The following C9 variants were observed in gnomAD, a reference collection of about 807,000 sequenced individuals.
The protein encoded by C9 is complement component C9.
A neutral mutation model predicts 65.4 loss-of-function variants in C9; 63 were observed. That is an observed-to-expected ratio of 0.96 (90% CI 0.79 to 1.19). The LOEUF is 1.19. C9 is among the 50% of genes most tolerant of loss of function. C9 has a pLI of 0.00. For synonymous variants in C9, 229 were observed against 227.9 expected (o/e 1.00, Z -0.04); for missense variants, 744 against 670.1 (o/e 1.11, Z -1.22).
intron 1 of C9, among the ~76,000 whole-genome samples, chr5:39,362,862 G>A (rs1437774417): frequency 6.6e-6 from 1 of 152,184 alleles, no homozygotes; most frequent in Non-Finnish European, 1.5e-5. Flanking sequence ...GGGCAACCGG[G>A]GCAAACTCAA....
intron 9 of C9, among the ~76,000 whole-genome samples, chr5:39,292,539 A>G (rs755216195): frequency 6.6e-6 from 1 of 151,946 alleles, no homozygotes; most frequent in Non-Finnish European, 1.5e-5. Context: ...TTGGACCTAC[A>G]TAAAGTAATC....
chr5:39,301,595 A>G (rs959440266), intron 9 of C9, among the ~76,000 whole-genome samples: 2 of 152,106 alleles, frequency 1.3e-5, no homozygotes, highest in African/African-American at 4.8e-5. Flanking sequence ...CTATTCTGCA[A>G]TATTACTTCT....
chr5:39,304,327 G>T (rs930417564), intron 9 of C9, among the ~76,000 whole-genome samples: 2 of 152,140 alleles, frequency 1.3e-5, no homozygotes, highest in African/African-American at 2.4e-5. Flanking sequence ...AGTTTAGGGT[G>T]GGTGGGGAGA....
At chr5:39,296,408 A>G (rs1287686567) in intron 9 of C9, among the ~76,000 whole-genome samples, 1 of 151,642 alleles carries the variant, frequency 6.6e-6, no homozygotes, top group African/African-American at 2.4e-5. Flanking sequence ...GCCAAAAAGT[A>G]TATTTAAAAA....
chr5:39,333,133 A>G (rs1322680873), intron 4 of C9, among the ~76,000 whole-genome samples: 1 of 152,130 alleles, frequency 6.6e-6, no homozygotes, highest in Non-Finnish European at 1.5e-5. Flanking sequence ...GAGAAAAAAT[A>G]AAAAAACATT....
At chr5:39,318,194 A>T (rs72736593) in intron 5 of C9, among the ~76,000 whole-genome samples, 2 of 152,010 alleles carry the variant, frequency 1.3e-5, no homozygotes, top group African/African-American at 4.8e-5. Context: ...TTTGCCCATT[A>T]ATTTTGCATC....
At position 39,299,457 on chromosome 5, in the gene C9, CTG is replaced by C. The variant is rs140455473; in HGVS notation, c.1416+7158_1416+7159del. 2.0e-3 allele frequency among the ~76,000 whole-genome samples: 310 copies of C among 152,180 alleles called. 5 individuals are homozygous for C. Among genetic ancestry groups the C allele is most frequent in the Admixed American group, 0.013 (191 of 15,260 alleles). The stretch of plus-strand genomic sequence containing the variant: ...TTCAACAGATGACTAGATAAACAAA[CTG>C]TTTAATCTATATCATGGAACTACAT... On this transcript the variant is annotated intron_variant, in intron 9 of 10. Coordinates refer to ENST00000263408, the MANE Select transcript of C9 (RefSeq NM_001737.5).
intron 6 of C9, among the ~76,000 whole-genome samples, chr5:39,314,055 A>C (rs1041544033): frequency 6.6e-6 from 1 of 152,138 alleles, no homozygotes. Context: ...AATTTTTAGC[A>C]AGACTCCTTG....
chr5:39,308,006 C>T (rs1004238237), intron 8 of C9, among the ~76,000 whole-genome samples: 1 of 152,188 alleles, frequency 6.6e-6, no homozygotes, highest in South Asian at 2.1e-4. Flanking sequence ...GTGTGAATCA[C>T]ACCCCCTTGA....
At chr5:39,289,511 C>T (rs1753051530) in intron 9 of C9, among the ~76,000 whole-genome samples, 1 of 151,484 alleles carries the variant, frequency 6.6e-6, no homozygotes, top group Non-Finnish European at 1.5e-5. Flanking sequence ...TAGAAGAATG[C>T]CACCAAGGAA....
At chr5:39,311,483 TG>T in intron 6 of C9, 106 bp from the exon 7 acceptor site, 1 of 1,059,618 alleles carries the variant, frequency 9.4e-7, no homozygotes, top group Non-Finnish European at 1.4e-6. Flanking sequence ...GTTTTAGCAG[TG>T]ACCATGAGAT....
rs181639759 is a variant in C9, at chr5:39,347,130, C to T, written c.78-4934G>A. ...CTGGCAAAAGACAGGGATGCCCTCTCTCACCACCCCTATTCAACATAGTGT... is the reference window on the plus strand; with the variant it reads ...CTGGCAAAAGACAGGGATGCCCTCTTTCACCACCCCTATTCAACATAGTGT... On this transcript the variant is annotated intron_variant, in intron 1 of 10. Transcript: ENST00000263408. Among the ~76,000 whole-genome samples the T allele has an allele frequency of 2.6e-5, 4 of 152,292 alleles. No individual in the cohort carries two copies. In the East Asian group the frequency reaches 7.7e-4, roughly 29 times the overall value.
At chr5:39,335,754 C>T in intron 4 of C9, among the ~76,000 whole-genome samples, 1 of 152,036 alleles carries the variant, frequency 6.6e-6, no homozygotes, top group Non-Finnish European at 1.5e-5. Context: ...GAGTGCTTTA[C>T]ACATTGAGTC....
At chr5:39,286,422 T>G (rs996852392) in intron 10 of C9, among the ~76,000 whole-genome samples, 1 of 152,004 alleles carries the variant, frequency 6.6e-6, no homozygotes, top group African/African-American at 2.4e-5. Context: ...TGAAGATATA[T>G]TTAACATGTT....
chr5:39,343,210 G>A (rs955982820), intron 1 of C9, among the ~76,000 whole-genome samples: 1 of 152,206 alleles, frequency 6.6e-6, no homozygotes, highest in Non-Finnish European at 1.5e-5. Flanking sequence ...CACTGAGTGT[G>A]TGCTGAAGCA....
chr5:39,361,396 T>C (rs1754519959), intron 1 of C9, among the ~76,000 whole-genome samples: 1 of 152,206 alleles, frequency 6.6e-6, no homozygotes, highest in Non-Finnish European at 1.5e-5. Flanking sequence ...AATGTATACC[T>C]TGTTTTATTT....
intron 9 of C9, among the ~76,000 whole-genome samples, chr5:39,295,381 G>T (rs934225037): frequency 1.3e-5 from 2 of 151,634 alleles, no homozygotes; most frequent in Admixed American, 6.6e-5. Flanking sequence ...AAATCAACAT[G>T]CAAGAATCAG....
At chr5:39,302,358 A>C (rs370264440) in intron 9 of C9, among the ~76,000 whole-genome samples, 63 of 152,236 alleles carry the variant, frequency 4.1e-4, no homozygotes, top group African/African-American at 1.5e-3. Context: ...AAAGTGGTAA[A>C]GTATAAATAA....
chr5:39,359,100 G>GTATATATATATATA (rs1270604293), intron 1 of C9, among the ~76,000 whole-genome samples: 3 of 87,796 alleles, frequency 3.4e-5, no homozygotes, highest in African/African-American at 1.3e-4. Context: ...GTGTGTGTGT[G>GTATATATATATATA]TGTATATATA....
Sources: allele counts gnomAD v4.1 joint callset (sites outside exome capture counted in the v4.1 genomes callset), GRCh38; gene constraint gnomAD v4.1.1; transcripts MANE v1.5; gene names NCBI Gene and HGNC (gene_info 2026-07-23, HGNC 2026-07-21).